PRKCB: variants seen among roughly 807,000 people sequenced by gnomAD.
PRKCB encodes the protein protein kinase C beta, also known as protein kinase C beta type.
A neutral mutation model predicts 81.5 loss-of-function variants in PRKCB; 13 were observed. The observed-to-expected ratio is 0.16, with a 90% CI of 0.10 to 0.25. The LOEUF (loss-of-function observed/expected upper bound fraction) is 0.25, where lower values mean the gene tolerates loss of function less well. Among genes scored for constraint, PRKCB ranks in the 10% least tolerant of loss-of-function variants. The pLI is 1.00. For missense variants in PRKCB, 509 were observed against 875.7 expected (o/e 0.58, Z 5.29); for synonymous variants, 335 against 321.4 (o/e 1.04, Z -0.45).
intron 5 of PRKCB, among the ~76,000 whole-genome samples, chr16:24,065,984 C>T (rs1376944382): frequency 1.3e-5 from 2 of 151,952 alleles, no homozygotes; most frequent in African/African-American, 4.8e-5. Context: ...TATTGTGGCT[C>T]TTTTGAAGTC....
intron 2 of PRKCB, among the ~76,000 whole-genome samples, chr16:23,947,121 G>A (rs755069386): frequency 3.3e-5 from 5 of 152,138 alleles, no homozygotes; most frequent in Non-Finnish European, 5.9e-5. Context: ...CTCCCAAAGC[G>A]CTGGCATTAC....
At chr16:24,163,078 T>C (rs1050509168) in intron 10 of PRKCB, among the ~76,000 whole-genome samples, 8 of 152,328 alleles carry the variant, frequency 5.3e-5, no homozygotes, top group African/African-American at 1.9e-4. Context: ...TTTCAGATCA[T>C]AGTCCTGGGA....
chr16:23,997,659 A>G (rs905508392), intron 3 of PRKCB, among the ~76,000 whole-genome samples: 2 of 152,156 alleles, frequency 1.3e-5, no homozygotes, highest in Non-Finnish European at 2.9e-5. Flanking sequence ...GTAACGTAAG[A>G]TGTATTGACT....
Position 24,159,319 on chromosome 16 carries a change from T to C in PRKCB, c.1239+4462T>C, listed in dbSNP as rs562754730. ...TCTTCCTCGACACAGCACTGGGTCA[T>C]TGGCTCATTGAGCTCAGAGCCCAAG... On this transcript the variant is annotated intron_variant, in intron 10 of 16. Coordinates refer to ENST00000643927, the MANE Select transcript of PRKCB (RefSeq NM_002738.7). Among the ~76,000 whole-genome samples, 4 of 152,340 alleles carry C rather than the reference T, an allele frequency of 2.6e-5. No homozygotes were observed. In the East Asian group the frequency reaches 5.8e-4, roughly 22 times the overall value.
chr16:24,045,397 T>G (rs1272322203), intron 5 of PRKCB, among the ~76,000 whole-genome samples: 1 of 152,182 alleles, frequency 6.6e-6, no homozygotes. Context: ...GTTTTTTGCC[T>G]TCTTTCAGCA....
chr16:23,961,651 A>C (rs1596488597), intron 2 of PRKCB, among the ~76,000 whole-genome samples: 2 of 152,144 alleles, frequency 1.3e-5, no homozygotes, highest in East Asian at 3.9e-4. Context: ...ATACAGGTTG[A>C]GCATCTCTTA....
chr16:23,942,929 C>A (rs568901799), intron 2 of PRKCB, among the ~76,000 whole-genome samples: 9 of 152,278 alleles, frequency 5.9e-5, no homozygotes, highest in African/African-American at 2.2e-4. Flanking sequence ...ATGAATTATT[C>A]ACGATTATTG....
intron 16 of PRKCB, among the ~76,000 whole-genome samples, chr16:24,200,250 G>T (rs1567410692): frequency 6.6e-6 from 1 of 152,070 alleles, no homozygotes; most frequent in Non-Finnish European, 1.5e-5. Flanking sequence ...GTTCTTTTGG[G>T]GTATCCACTG....
intron 16 of PRKCB, among the ~76,000 whole-genome samples, chr16:24,206,901 C>T (rs560358539): frequency 6.6e-6 from 1 of 152,350 alleles, no homozygotes; most frequent in South Asian, 2.1e-4. Flanking sequence ...CCAAAATACA[C>T]GTCAAAGCAG....
intron 3 of PRKCB, among the ~76,000 whole-genome samples, chr16:24,001,750 A>G (rs1965036977): frequency 6.6e-6 from 1 of 152,200 alleles, no homozygotes; most frequent in Non-Finnish European, 1.5e-5. Context: ...GTTCATTTAA[A>G]ATTGTACCTG....
chr16:24,010,429 A>G (rs1376835300), intron 3 of PRKCB, among the ~76,000 whole-genome samples: 3 of 152,208 alleles, frequency 2.0e-5, no homozygotes, highest in African/African-American at 7.2e-5. Flanking sequence ...CAACTTCTGC[A>G]TTCGTAGGTG....
intron 2 of PRKCB, among the ~76,000 whole-genome samples, chr16:23,922,689 A>T (rs1597247242): frequency 6.6e-6 from 1 of 152,346 alleles, no homozygotes; most frequent in Non-Finnish European, 1.5e-5. Flanking sequence ...CTTTGCTTTG[A>T]CAACACATTT....
chr16:24,021,652 T>C (rs950179545), intron 3 of PRKCB, among the ~76,000 whole-genome samples: 2 of 151,958 alleles, frequency 1.3e-5, no homozygotes, highest in Non-Finnish European at 2.9e-5. Flanking sequence ...ACTGAGGGGT[T>C]CCCACTCGGC....
chr16:24,083,133 A>G lies in PRKCB; in HGVS notation c.530-9658A>G, dbSNP rs916306256. 5.3e-5 allele frequency among the ~76,000 whole-genome samples: 8 copies of G among 152,246 alleles called. No individual in the cohort carries two copies. In the South Asian group the frequency reaches 1.0e-3, roughly 20 times the overall value. ...ATGCAAATTAAAACCACAATGAGAT[A>G]CCATTGCACACTTACTAGAATGGCT... On this transcript the variant is annotated intron_variant, in intron 5 of 16. Coordinates refer to ENST00000643927, the MANE Select transcript of PRKCB (RefSeq NM_002738.7).
chr16:23,912,676 C>G (rs1196314275), intron 2 of PRKCB, among the ~76,000 whole-genome samples: 1 of 150,898 alleles, frequency 6.6e-6, no homozygotes, highest in African/African-American at 2.4e-5. Flanking sequence ...CCTCACCCGG[C>G]TAATTTTTGT....
chr16:23,868,446 G>T (rs113766913), intron 2 of PRKCB, among the ~76,000 whole-genome samples: 42 of 152,208 alleles, frequency 2.8e-4, no homozygotes, highest in Non-Finnish European at 1.2e-4. Context: ...TTTATTTGGG[G>T]CAGGCAGATG....
intron 5 of PRKCB, among the ~76,000 whole-genome samples, chr16:24,091,239 T>C (rs1468782461): frequency 1.3e-5 from 2 of 152,240 alleles, no homozygotes; most frequent in African/African-American, 4.8e-5. Flanking sequence ...ACTACAATGA[T>C]CTTATGGTTT....
chr16:23,995,888 C>T (rs1232257232), intron 3 of PRKCB, among the ~76,000 whole-genome samples: 1 of 151,934 alleles, frequency 6.6e-6, no homozygotes, highest in Non-Finnish European at 1.5e-5. Flanking sequence ...TGTGCAGACA[C>T]CACCCAGAAG....
chr16:23,995,222 T>C (rs2141826410), intron 3 of PRKCB, among the ~76,000 whole-genome samples: 1 of 152,090 alleles, frequency 6.6e-6, no homozygotes, highest in South Asian at 2.1e-4. Context: ...CATTCCTCAT[T>C]TAAGTGTGTT....
Sources: gnomAD v4.1 joint callset for allele counts (sites outside exome capture counted in the v4.1 genomes callset) on GRCh38, gnomAD v4.1.1 for gene constraint, MANE v1.5 for transcripts, NCBI Gene and HGNC (gene_info 2026-07-23, HGNC 2026-07-21) for gene names.